The following RHBDL2 variants were observed in gnomAD, a reference collection of about 807,000 sequenced individuals.
RHBDL2 encodes rhomboid like 2, also known as rhomboid-related protein 2.
RHBDL2 carries 26 observed loss-of-function variants against 31.7 expected under a neutral mutation model. That is an observed-to-expected ratio of 0.82 (90% CI 0.60 to 1.14). RHBDL2 has a LOEUF of 1.14. Among genes scored for constraint, RHBDL2 ranks in the 50% most tolerant of loss-of-function variants. RHBDL2 has a pLI of 0.00. For missense variants in RHBDL2, 336 were observed against 364.4 expected, an observed-to-expected ratio of 0.92 and a Z score of 0.63; for synonymous variants, 123 against 127.2, an observed-to-expected ratio of 0.97 and a Z score of 0.22.
At chr1:38,902,626 T>A (rs1017169118) in intron 4 of RHBDL2, among the ~76,000 whole-genome samples, 3 of 152,118 alleles carry the variant, frequency 2.0e-5, no homozygotes, top group African/African-American at 4.8e-5. Context: ...TTCACCATGT[T>A]GGTCGGGCTG....
chr1:38,940,863 G>A (rs1417780402), intron 1 of RHBDL2, among the ~76,000 whole-genome samples: 1 of 152,086 alleles, frequency 6.6e-6, no homozygotes, highest in Non-Finnish European at 1.5e-5. Context: ...CCACTGCACT[G>A]CAGCCTGGGC....
chr1:38,934,563 G>A (rs1643471601), intron 1 of RHBDL2, among the ~76,000 whole-genome samples: 1 of 148,298 alleles, frequency 6.7e-6, no homozygotes, highest in Admixed American at 6.8e-5. Flanking sequence ...GGTGGAGGTA[G>A]GAGAATCGCT....
chr1:38,913,031 G>A (rs1643178186), intron 3 of RHBDL2, among the ~76,000 whole-genome samples: 1 of 148,240 alleles, frequency 6.7e-6, no homozygotes, highest in African/African-American at 2.5e-5. Context: ...CACCCAGGCT[G>A]GAGTGCGGTG....
At chr1:38,924,900 A>G (rs768331392) in intron 1 of RHBDL2, among the ~76,000 whole-genome samples, 1 of 150,988 alleles carries the variant, frequency 6.6e-6, no homozygotes, top group African/African-American at 2.4e-5. Flanking sequence ...TCCTGCCTCA[A>G]ACTCCCAAGT....
rs77189979 is a variant in RHBDL2 at position 38,893,091 on chromosome 1, A to G, written c.670+73T>C. On this transcript the variant is annotated intron_variant, in intron 6 of 7. Transcript: ENST00000372990. ...AATTGCAATCCTGTGATTCCCAAATAAAATGTTTAGAGATTTGTCTCTATA... is the reference window on the plus strand; with the variant it reads ...AATTGCAATCCTGTGATTCCCAAATGAAATGTTTAGAGATTTGTCTCTATA... The G allele has an allele frequency of 5.3e-3, 4,842 of 911,458 alleles. 142 individuals are homozygous for G. The African/African-American group carries it at 0.066, about 12-fold the overall frequency. The allele number at this position is 911,458 out of a possible 1,614,324, so 56.5% of individuals were successfully genotyped here.
At chr1:38,899,578 C>T (rs1642963126) in intron 4 of RHBDL2, among the ~76,000 whole-genome samples, 1 of 152,172 alleles carries the variant, frequency 6.6e-6, no homozygotes, top group South Asian at 2.1e-4. Context: ...ACACTGGGCA[C>T]CTAGGGATGT....
chr1:38,938,005 T>C (rs1323082025), intron 1 of RHBDL2, among the ~76,000 whole-genome samples: 3 of 150,172 alleles, frequency 2.0e-5, no homozygotes, highest in Admixed American at 2.0e-4. Context: ...AATCAGGTAG[T>C]GTCATTCTCA....
At position 38,927,426 on chromosome 1, in the gene RHBDL2, C is replaced by CA. The variant is rs566835644; in HGVS notation, c.-125-8090dup. The stretch of plus-strand genomic sequence containing the variant: ...TGGGCGACAGAGCCAGACTCCATCT[C>CA]AAAAAAAAAGAAAAGAAAAGAGCCT... On this transcript the variant is annotated intron_variant, in intron 1 of 7. Transcript: ENST00000372990. Among the ~76,000 whole-genome samples, 444 of 150,574 alleles carry CA rather than the reference C, an allele frequency of 2.9e-3. 4 individuals are homozygous for CA. Among genetic ancestry groups the CA allele is most frequent in the South Asian group, 0.028 (132 of 4,750 alleles).
chr1:38,934,059 T>C (rs1333546501), intron 1 of RHBDL2, among the ~76,000 whole-genome samples: 1 of 152,118 alleles, frequency 6.6e-6, no homozygotes, highest in Non-Finnish European at 1.5e-5. Context: ...ATAAAAATTT[T>C]GAAGAATGTC....
intron 4 of RHBDL2, among the ~76,000 whole-genome samples, chr1:38,902,618 C>A (rs1643009471): frequency 6.6e-6 from 1 of 151,970 alleles, no homozygotes; most frequent in South Asian, 2.1e-4. Flanking sequence ...GACGGGGTTT[C>A]ACCATGTTGG....
chr1:38,938,555 T>C (rs1374411233), intron 1 of RHBDL2, among the ~76,000 whole-genome samples: 1 of 152,184 alleles, frequency 6.6e-6, no homozygotes, highest in Non-Finnish European at 1.5e-5. Context: ...TCCCCATTTG[T>C]TGTCCCAGGG....
At position 38,886,635 on chromosome 1, in the gene RHBDL2, C is replaced by G; in HGVS notation, c.781G>C (p.Gly261Arg). ...IAGGFAGMSI[G>R]YTVFSCFDKA... is the part of the protein sequence containing the mutation. ...TCAAAGCAGCTAAACACCGTGTAGC[C>G]AATGGACATTCCAGCAAATCCACCT... The change falls in exon 8 of 8, where the codon GGC (glycine) becomes CGC (arginine). Residue 261 changes from glycine to arginine, a missense_variant. By Grantham distance (125) the Gly-to-Arg change is moderately radical. Coordinates refer to ENST00000372990, the MANE Select transcript of RHBDL2 (RefSeq NM_017821.5). 6.3e-7 allele frequency: 1 copy of G among 1,588,050 alleles called. No homozygotes were observed. The highest frequency in any genetic ancestry group is 1.3e-5 in the African/African-American group (1 of 74,480).
intron 1 of RHBDL2, among the ~76,000 whole-genome samples, chr1:38,928,335 G>A (rs1247774351): frequency 6.6e-6 from 1 of 151,664 alleles, no homozygotes; most frequent in African/African-American, 2.4e-5. Flanking sequence ...GTAGAGACGG[G>A]GTTTCACCGT....
At chr1:38,903,076 G>A (rs1413332313) in intron 4 of RHBDL2, among the ~76,000 whole-genome samples, 2 of 151,960 alleles carry the variant, frequency 1.3e-5, no homozygotes, top group Non-Finnish European at 2.9e-5. Context: ...GAAAACACAA[G>A]ATCTATATAC....
At chr1:38,935,317 C>G (rs1643487076) in intron 1 of RHBDL2, among the ~76,000 whole-genome samples, 1 of 152,192 alleles carries the variant, frequency 6.6e-6, no homozygotes, top group South Asian at 2.1e-4. Flanking sequence ...TGTCTCAATT[C>G]TAATTTTATA....
intron 4 of RHBDL2, among the ~76,000 whole-genome samples, chr1:38,909,640 G>C (rs1643114708): frequency 1.3e-5 from 2 of 152,024 alleles, no homozygotes; most frequent in African/African-American, 2.4e-5. Context: ...TACTCAGGAG[G>C]CTGAGGCGGG....
chr1:38,909,598 T>A (rs1643114334), intron 4 of RHBDL2, among the ~76,000 whole-genome samples: 1 of 151,858 alleles, frequency 6.6e-6, no homozygotes, highest in Non-Finnish European at 1.5e-5. Context: ...AAAAATTAGC[T>A]GGGTGTGGTG....
At chr1:38,925,978 A>T (rs1643370360) in intron 1 of RHBDL2, 2 of 1,271,014 alleles carry the variant, frequency 1.6e-6, no homozygotes, top group Admixed American at 4.6e-5. Context: ...TTGAATCTGC[A>T]AATGTCAAAG....
chr1:38,913,301 C>T (rs1280451739), intron 3 of RHBDL2, among the ~76,000 whole-genome samples: 2 of 151,820 alleles, frequency 1.3e-5, no homozygotes, highest in Non-Finnish European at 2.9e-5. Flanking sequence ...TAATACTGTA[C>T]TGCCTTACAT....
Sources: allele counts gnomAD v4.1 joint callset (sites outside exome capture counted in the v4.1 genomes callset), GRCh38; gene constraint gnomAD v4.1.1; transcripts MANE v1.5; gene names NCBI Gene and HGNC (gene_info 2026-07-23, HGNC 2026-07-21).